Variants in ERICH1 observed in about 807,000 individuals in gnomAD.
The protein encoded by ERICH1 is glutamate-rich protein 1.
A neutral mutation model predicts 39.6 loss-of-function variants in ERICH1; 56 were observed. That is an observed-to-expected ratio of 1.41 (90% CI 1.14 to 1.77). The LOEUF is 1.77. Among genes scored for constraint, ERICH1 ranks in the 40% most tolerant of loss-of-function variants. The pLI is 0.00. For missense variants in ERICH1, 826 were observed against 575.4 expected (o/e 1.44, Z -4.45); for synonymous variants, 313 against 223.6 (o/e 1.40, Z -3.57).
At chr8:621,855 A>T (rs959072873) in intron 3 of ERICH1, among the ~76,000 whole-genome samples, 4 of 152,238 alleles carry the variant, frequency 2.6e-5, no homozygotes, top group Non-Finnish European at 5.9e-5. Context: ...TCCTAGAAAA[A>T]CATAAACTAC....
At chr8:663,441 C>G (rs1203351460), downstream of ERICH1, among the ~76,000 whole-genome samples, 1 of 152,176 alleles carries the variant, frequency 6.6e-6, no homozygotes, top group Non-Finnish European at 1.5e-5. Context: ...ATCACCGTCA[C>G]CAGGCGACCG....
At chr8:663,186 C>G (rs888137107), downstream of ERICH1, among the ~76,000 whole-genome samples, 1 of 152,254 alleles carries the variant, frequency 6.6e-6, no homozygotes, top group African/African-American at 2.4e-5. Context: ...GAAGAGACGT[C>G]TCTTAGGGAC....
At chr8:684,825 G>C (rs1806930761) in intron 3 of ERICH1, among the ~76,000 whole-genome samples, 1 of 152,206 alleles carries the variant, frequency 6.6e-6, no homozygotes, top group Non-Finnish European at 1.5e-5. Flanking sequence ...GTTTTTATTA[G>C]CGATTTTCAA....
At chr8:627,249 G>C (rs12547464) in intron 3 of ERICH1, 108,498 of 455,826 alleles carry the variant, frequency 0.24, 14,140 homozygotes, top group Middle Eastern at 0.38. Context: ...CTGGAAGTTG[G>C]AGATAAGAAC....
intron 1 of ERICH1, among the ~76,000 whole-genome samples, chr8:716,960 T>C (rs1210779188): frequency 1.3e-5 from 2 of 152,176 alleles, no homozygotes. Context: ...ATAACCCTCC[T>C]ACAGGCCCCG....
chr8:655,443 G>A (rs113957135), intron 3 of ERICH1, among the ~76,000 whole-genome samples: 184 of 152,314 alleles, frequency 1.2e-3, no homozygotes, highest in Middle Eastern at 6.8e-3. Flanking sequence ...ATAGACTTAC[G>A]TTCTTACCTA....
intron 3 of ERICH1, among the ~76,000 whole-genome samples, chr8:634,159 C>T (rs1798232035): frequency 1.3e-5 from 1 of 76,652 alleles, no homozygotes; most frequent in Admixed American, 1.6e-4. Flanking sequence ...ATAGAGAACT[C>T]CTAAAACTCA....
chr8:721,960 G>A (rs563457764), intron 1 of ERICH1, among the ~76,000 whole-genome samples: 1 of 152,214 alleles, frequency 6.6e-6, no homozygotes, highest in Non-Finnish European at 1.5e-5. Flanking sequence ...GAAAACAAAA[G>A]GAACCCACAA....
intron 1 of ERICH1, among the ~76,000 whole-genome samples, chr8:717,580 G>A (rs1816299932): frequency 6.6e-6 from 1 of 152,222 alleles, no homozygotes; most frequent in Admixed American, 6.5e-5. Flanking sequence ...GATGAGCAGA[G>A]GAGATGGTAG....
At chr8:615,035 CGT>C in exon 4 of ERICH1, 1 of 458,404 alleles carries the variant, frequency 2.2e-6, no homozygotes, top group Non-Finnish European at 3.8e-6. Flanking sequence ...TTGGAGCAGA[CGT>C]GGCTACGCTC....
At chr8:686,946 G>A (rs1307651759) in intron 3 of ERICH1, among the ~76,000 whole-genome samples, 1 of 24,710 alleles carries the variant, frequency 4.0e-5, no homozygotes, top group Non-Finnish European at 9.1e-5. Flanking sequence ...AATGCGGAGC[G>A]GGGGGCAGCC....
At chr8:660,569 T>C (rs1014870994), downstream of ERICH1, among the ~76,000 whole-genome samples, 1 of 152,116 alleles carries the variant, frequency 6.6e-6, no homozygotes, top group African/African-American at 2.4e-5. Flanking sequence ...CTGTACTGAA[T>C]CCCCACCCAA....
intron 3 of ERICH1, among the ~76,000 whole-genome samples, chr8:652,240 GC>G (rs1314261837): frequency 1.4e-4 from 21 of 152,320 alleles, no homozygotes; most frequent in African/African-American, 4.3e-4. Context: ...AGGAAATGCA[GC>G]CAGCAGGAGG....
At chr8:716,495 C>T (rs934048053) in intron 1 of ERICH1, among the ~76,000 whole-genome samples, 5 of 152,214 alleles carry the variant, frequency 3.3e-5, no homozygotes, top group South Asian at 4.1e-4. Flanking sequence ...TGGGAACCCA[C>T]GGTCTGCACT....
chr8:716,065 C>G, intron 1 of ERICH1, 58 bp from the exon 2 acceptor site: 1 of 1,533,188 alleles, frequency 6.5e-7, no homozygotes, highest in Non-Finnish European at 8.8e-7. Flanking sequence ...TGCAGTTTAT[C>G]TGAATCACAC....
chr8:668,904 G>C, intron 4 of ERICH1, 112 bp from the exon 5 acceptor site: 1 of 937,868 alleles, frequency 1.1e-6, no homozygotes, highest in Non-Finnish European at 1.6e-6. Flanking sequence ...CACACAGAAT[G>C]ACATATCTGG....
At chr8:662,620 C>T (rs927427122), downstream of ERICH1, among the ~76,000 whole-genome samples, 4 of 151,960 alleles carry the variant, frequency 2.6e-5, no homozygotes, top group African/African-American at 2.4e-5. Flanking sequence ...TGCACTCCAG[C>T]GTGGGCAACA....
In ERICH1 at chr8:693,842, G is replaced by A. The variant is rs578141585; in HGVS notation, c.170-1230C>T. 3.3e-5 allele frequency among the ~76,000 whole-genome samples: 5 copies of A among 152,018 alleles called. No homozygotes were observed. The South Asian group carries it at 8.3e-4, about 25-fold the overall frequency. ...CGTCCCCTGCTGCACGCCCCTCTGC[G>A]CACGTGGCTGTTTGGTTCCTGCACA... On this transcript the variant is annotated intron_variant, in intron 2 of 5. Coordinates refer to ENST00000262109, the MANE Select transcript of ERICH1 (RefSeq NM_207332.3).
intron 2 of ERICH1, among the ~76,000 whole-genome samples, chr8:711,342 G>T (rs540040072): frequency 6.6e-6 from 1 of 152,164 alleles, no homozygotes; most frequent in Admixed American, 6.5e-5. Flanking sequence ...TGATGTCCAG[G>T]TTATCAACTG....
Sources: gnomAD v4.1 joint callset for allele counts (sites outside exome capture counted in the v4.1 genomes callset) on GRCh38, gnomAD v4.1.1 for gene constraint, MANE v1.5 for transcripts, NCBI Gene and HGNC (gene_info 2026-07-23, HGNC 2026-07-21) for gene names.